Variants in SMCO4 observed in about 807,000 individuals in gnomAD.
SMCO4 encodes the protein single-pass membrane protein with coiled-coil domains 4.
Under a neutral mutation model 3.6 loss-of-function variants are expected in SMCO4, and 4 were observed. The ratio of observed to expected loss-of-function variants is 1.11; its 90% CI spans 0.54 to 2.53. SMCO4 has a LOEUF of 2.53. Among genes scored for constraint, SMCO4 ranks in the 30% most tolerant of loss-of-function variants. The probability of loss-of-function intolerance (pLI) is 0.02; values close to 1 mark genes in which losing one functional copy is unlikely to be tolerated. For missense variants in SMCO4, 70 were observed against 80.8 expected (o/e 0.87, Z 0.51); for synonymous variants, 36 against 35.3 (o/e 1.02, Z -0.07).
intron 1 of SMCO4, among the ~76,000 whole-genome samples, chr11:93,539,094 C>A (rs929404800): frequency 6.6e-6 from 1 of 152,104 alleles, no homozygotes; most frequent in African/African-American, 2.4e-5. Flanking sequence ...TGTTTCTGCA[C>A]CCATTTCCAC....
At chr11:93,529,424 A>G (rs1291816099) in intron 1 of SMCO4, among the ~76,000 whole-genome samples, 1 of 152,102 alleles carries the variant, frequency 6.6e-6, no homozygotes, top group Non-Finnish European at 1.5e-5. Flanking sequence ...CCACTTACAC[A>G]TAATTATCTT....
chr11:93,502,811 C>T (rs1437249713), intron 1 of SMCO4, among the ~76,000 whole-genome samples: 1 of 152,176 alleles, frequency 6.6e-6, no homozygotes. Context: ...CATTTAAAAA[C>T]TCTTATGCAG....
In SMCO4 at chr11:93,534,297, T is replaced by C. The variant is rs559240576; in HGVS notation, c.-154+8979A>G. 1.8e-3 allele frequency among the ~76,000 whole-genome samples: 242 copies of C among 136,674 alleles called. 1 individual carries two copies. Among genetic ancestry groups the C allele is most frequent in the Non-Finnish European group, 3.2e-3 (207 of 63,810 alleles). 89.7% of individuals were successfully genotyped at this position (136,674 alleles called of 152,430 possible). ...ATATATACATATATACACACACACATATATATACATATATACACATATATA... is the reference window on the plus strand; with the variant it reads ...ATATATACATATATACACACACACACATATATACATATATACACATATATA... On this transcript the variant is annotated intron_variant, in intron 1 of 2. Transcript: ENST00000298966.
chr11:93,502,288 C>T (rs1948848123), intron 1 of SMCO4, among the ~76,000 whole-genome samples: 1 of 152,166 alleles, frequency 6.6e-6, no homozygotes, highest in Admixed American at 6.5e-5. Flanking sequence ...GTAAACCTAG[C>T]ATTACCCTGC....
chr11:93,496,314 T>C (rs566054820), intron 2 of SMCO4, among the ~76,000 whole-genome samples: 2 of 152,086 alleles, frequency 1.3e-5, no homozygotes, highest in South Asian at 4.2e-4. Context: ...ATCATTAGGA[T>C]TTGGTGATTT....
intron 1 of SMCO4, among the ~76,000 whole-genome samples, chr11:93,506,208 G>C (rs544767123): frequency 6.6e-6 from 1 of 152,358 alleles, no homozygotes; most frequent in East Asian, 1.9e-4. Context: ...AGAGAATCTA[G>C]AGCATGCAGA....
chr11:93,508,325 T>G (rs1367472628), intron 1 of SMCO4, among the ~76,000 whole-genome samples: 2 of 152,166 alleles, frequency 1.3e-5, no homozygotes, highest in Non-Finnish European at 2.9e-5. Flanking sequence ...ATGGACAGAT[T>G]TGCCTTTTAG....
chr11:93,533,941 C>T (rs920421646), intron 1 of SMCO4, among the ~76,000 whole-genome samples: 3 of 152,058 alleles, frequency 2.0e-5, no homozygotes, highest in Non-Finnish European at 4.4e-5. Context: ...AATCCCAACA[C>T]TTGTGGAGGC....
intron 1 of SMCO4, among the ~76,000 whole-genome samples, chr11:93,528,189 T>A (rs1949129036): frequency 6.6e-6 from 1 of 152,186 alleles, no homozygotes; most frequent in East Asian, 1.9e-4. Context: ...GTCTTTTTCC[T>A]ACACATAGAT....
upstream of SMCO4, among the ~76,000 whole-genome samples, chr11:93,546,488 A>G (rs1209286350): frequency 6.6e-6 from 1 of 152,208 alleles, no homozygotes; most frequent in Non-Finnish European, 1.5e-5. Context: ...AATTACATTT[A>G]TTGGCATGGT....
At chr11:93,509,124 T>C (rs1948935097) in intron 1 of SMCO4, among the ~76,000 whole-genome samples, 1 of 149,624 alleles carries the variant, frequency 6.7e-6, no homozygotes, top group Admixed American at 6.6e-5. Context: ...ACCCTGTCTC[T>C]ACCAAAAAAA....
intron 2 of SMCO4, among the ~76,000 whole-genome samples, chr11:93,492,396 T>C (rs143058579): frequency 8.1e-4 from 124 of 152,360 alleles, no homozygotes; most frequent in African/African-American, 2.8e-3. Flanking sequence ...GGTAATGTCC[T>C]GGTGACAGGA....
upstream of SMCO4, among the ~76,000 whole-genome samples, chr11:93,548,204 G>A (rs148672951): frequency 6.6e-6 from 1 of 152,292 alleles, no homozygotes; most frequent in African/African-American, 2.4e-5. Flanking sequence ...AGTAATCAGA[G>A]CAATGTAAAG....
intron 1 of SMCO4, among the ~76,000 whole-genome samples, chr11:93,525,143 G>A (rs1159528890): frequency 6.6e-6 from 1 of 152,094 alleles, no homozygotes; most frequent in Non-Finnish European, 1.5e-5. Context: ...GCTGTGGCCA[G>A]AACACCTCCC....
At chr11:93,511,837 G>A (rs1027205752) in intron 1 of SMCO4, among the ~76,000 whole-genome samples, 2 of 152,218 alleles carry the variant, frequency 1.3e-5, no homozygotes, top group Non-Finnish European at 2.9e-5. Flanking sequence ...AGTGCTCAGT[G>A]AGCTGCCATA....
chr11:93,540,701 C>A (rs931077343), intron 1 of SMCO4, among the ~76,000 whole-genome samples: 1 of 152,168 alleles, frequency 6.6e-6, no homozygotes, highest in African/African-American at 2.4e-5. Flanking sequence ...GATGCTCACT[C>A]CTACCTCACA....
chr11:93,513,660 T>A (rs1948978855), intron 1 of SMCO4, among the ~76,000 whole-genome samples: 1 of 152,216 alleles, frequency 6.6e-6, no homozygotes, highest in Admixed American at 6.5e-5. Flanking sequence ...GGTTTGTCTG[T>A]GAGAGGAAGG....
upstream of SMCO4, among the ~76,000 whole-genome samples, chr11:93,545,611 A>AGG (rs1949311051): frequency 7.0e-6 from 1 of 143,480 alleles, no homozygotes; most frequent in Non-Finnish European, 1.5e-5. Flanking sequence ...AAAAAAAAAG[A>AGG]GAGAGAGAGA....
intron 1 of SMCO4, among the ~76,000 whole-genome samples, chr11:93,526,888 T>C (rs1949113240): frequency 6.6e-6 from 1 of 152,220 alleles, no homozygotes; most frequent in Non-Finnish European, 1.5e-5. Flanking sequence ...GTTCAATGTG[T>C]GTTCTCCAAA....
Sources: allele counts gnomAD v4.1 joint callset (sites outside exome capture counted in the v4.1 genomes callset), GRCh38; gene constraint gnomAD v4.1.1; transcripts MANE v1.5; gene names NCBI Gene and HGNC (gene_info 2026-07-23, HGNC 2026-07-21).